The following ERC1 variants were observed in gnomAD, a reference collection of about 807,000 sequenced individuals.
ERC1 encodes the protein ELKS/RAB6-interacting/CAST family member 1.
A neutral mutation model predicts 132.0 loss-of-function variants in ERC1; 56 were observed. That is an observed-to-expected ratio of 0.42 (90% CI 0.34 to 0.53). The LOEUF is 0.53. Among genes scored for constraint, ERC1 ranks in the 20% least tolerant of loss-of-function variants. ERC1 has a pLI of 0.03. For synonymous variants in ERC1, 478 were observed against 476.1 expected, an observed-to-expected ratio of 1.00 and a Z score of -0.05; for missense variants, 1,202 against 1,349.9, an observed-to-expected ratio of 0.89 and a Z score of 1.72.
At chr12:1,193,493 AAC>A (rs1334716505) in intron 12 of ERC1, among the ~76,000 whole-genome samples, 3 of 151,838 alleles carry the variant, frequency 2.0e-5, no homozygotes, top group South Asian at 2.1e-4. Context: ...CACATATATA[AAC>A]ACACACAAGC....
intron 12 of ERC1, among the ~76,000 whole-genome samples, chr12:1,220,521 A>G (rs1044935580): frequency 1.3e-5 from 2 of 152,138 alleles, no homozygotes; most frequent in Non-Finnish European, 2.9e-5. Context: ...GGTTACTGTT[A>G]TTTTTATTTG....
Position 1,177,038 on chromosome 12 carries a change from T to C in ERC1, c.1738-3502T>C, listed in dbSNP as rs968450006. Among the ~76,000 whole-genome samples the C allele has an allele frequency of 1.3e-5, 2 of 152,242 alleles. 1 individual carries two copies. The highest frequency in any genetic ancestry group is 4.1e-4 in the South Asian group (2 of 4,828). On this transcript the variant is annotated intron_variant, in intron 8 of 18. Transcript: ENST00000360905. ...ATATTATGGAGACGGCTTCTTTCCT[T>C]AAACCTCATGACCAACCTCTGCTAG...
intron 14 of ERC1, among the ~76,000 whole-genome samples, chr12:1,286,152 G>A (rs1000193557): frequency 6.6e-6 from 1 of 152,062 alleles, no homozygotes; most frequent in Non-Finnish European, 1.5e-5. Context: ...AAATTAACCA[G>A]ACGTGGTGGT....
intron 1 of ERC1, among the ~76,000 whole-genome samples, chr12:996,733 G>A (rs1020229995): frequency 4.6e-5 from 7 of 152,106 alleles, no homozygotes; most frequent in Non-Finnish European, 8.8e-5. Context: ...TAAATTAGAA[G>A]GTATAAGAGA....
chr12:1,027,079 GT>G (rs1032096281), intron 1 of ERC1, among the ~76,000 whole-genome samples: 2 of 152,056 alleles, frequency 1.3e-5, no homozygotes, highest in African/African-American at 4.8e-5. Flanking sequence ...AAATGTTATA[GT>G]TTTTTTCCCC....
At chr12:1,146,316 T>TTTGTTGTTG (rs1446700359) in intron 8 of ERC1, among the ~76,000 whole-genome samples, 9 of 132,716 alleles carry the variant, frequency 6.8e-5, no homozygotes, top group African/African-American at 2.8e-4. Flanking sequence ...TGGTTTTTTT[T>TTTGTTGTTG]TTTTTTTTTT....
chr12:1,390,667 A>G (rs1169351103), intron 16 of ERC1: 2 of 152,210 alleles, frequency 1.3e-5, no homozygotes, highest in African/African-American at 4.8e-5. Flanking sequence ...TCACCACCAA[A>G]ATAAAACTGT....
intron 14 of ERC1, among the ~76,000 whole-genome samples, chr12:1,271,523 T>G (rs898847582): frequency 6.6e-6 from 1 of 152,198 alleles, no homozygotes; most frequent in Non-Finnish European, 1.5e-5. Context: ...AGCTACATTA[T>G]CGTCAGTTTT....
At chr12:1,096,606 C>T (rs778126135) in intron 3 of ERC1, among the ~76,000 whole-genome samples, 2 of 152,052 alleles carry the variant, frequency 1.3e-5, no homozygotes, top group Non-Finnish European at 2.9e-5. Context: ...ACGAGTTTGT[C>T]GTTTTAAGGC....
At chr12:1,091,555 C>T (rs562605013) in intron 3 of ERC1, among the ~76,000 whole-genome samples, 164 of 152,232 alleles carry the variant, frequency 1.1e-3, no homozygotes, top group Non-Finnish European at 1.9e-3. Flanking sequence ...TCACTTATCA[C>T]GTATTTACTG....
rs375837718 is a variant in ERC1 at position 1,158,050 on chromosome 12, A to G, written c.1737+16263A>G. Among the ~76,000 whole-genome samples the G allele has an allele frequency of 2.3e-4, 35 of 152,348 alleles. No individual in the cohort carries two copies. The East Asian group carries it at 5.4e-3, about 23-fold the overall frequency. On this transcript the variant is annotated intron_variant, in intron 8 of 18. Transcript: ENST00000360905. ...ATCCGTCACTTTATCTAATTTTGCT[A>G]TATGTCCAGTAGAGTGGGCAGAGTT...
chr12:1,405,628 A>T (rs748912141), intron 16 of ERC1, among the ~76,000 whole-genome samples: 14 of 152,174 alleles, frequency 9.2e-5, no homozygotes, highest in Admixed American at 2.0e-4. Context: ...ACTTGAACCC[A>T]GGAGGCAGAG....
At chr12:1,343,134 C>G (rs1295051897) in intron 15 of ERC1, among the ~76,000 whole-genome samples, 1 of 152,174 alleles carries the variant, frequency 6.6e-6, no homozygotes, top group Non-Finnish European at 1.5e-5. Context: ...AGCACCTGGA[C>G]TTAAAGCAGG....
At chr12:990,275 C>T (rs895175946), upstream of ERC1, 15 of 152,050 alleles carry the variant, frequency 9.9e-5, no homozygotes. Flanking sequence ...ATATAATTCA[C>T]ACCATTCTTA....
intron 17 of ERC1, among the ~76,000 whole-genome samples, chr12:1,435,003 G>A (rs1592036842): frequency 6.6e-6 from 1 of 152,176 alleles, no homozygotes; most frequent in Non-Finnish European, 1.5e-5. Context: ...AATAAAGGAA[G>A]TTGGTAGAGA....
In ERC1 at chr12:1,083,495, G is replaced by T. The variant is rs183282453; in HGVS notation, c.1001G>T (p.Arg334Ile). ...ACCGAGGAAGACCATGAGAGAACAAGACGACTGGCAGAGGCAGAGATGCAC... is the reference window on the plus strand; with the variant it reads ...ACCGAGGAAGACCATGAGAGAACAATACGACTGGCAGAGGCAGAGATGCAC... ...KATEEDHERT[R>I]RLAEAEMHVH... Residue 334 changes from arginine (R) to isoleucine (I), a missense_variant, in exon 3 of 19, where the codon AGA becomes ATA. Transcript: ENST00000360905. The T allele has an allele frequency of 6.2e-7, 1 of 1,614,194 alleles. No homozygotes were observed. Among genetic ancestry groups the T allele is most frequent in the East Asian group, 2.2e-5 (1 of 44,892 alleles).
intron 3 of ERC1, among the ~76,000 whole-genome samples, chr12:1,092,749 C>T (rs1943414017): frequency 6.6e-6 from 1 of 152,134 alleles, no homozygotes; most frequent in Admixed American, 6.5e-5. Flanking sequence ...TCGCCTGAGG[C>T]CAGGAGTTCG....
chr12:1,350,364 TAAGTC>T (rs2084890435), intron 15 of ERC1, among the ~76,000 whole-genome samples: 1 of 152,210 alleles, frequency 6.6e-6, no homozygotes. Context: ...GCCTGCTTCT[TAAGTC>T]AGGAAATTGT....
At chr12:1,139,115 T>G (rs1321446188) in intron 7 of ERC1, among the ~76,000 whole-genome samples, 1 of 152,210 alleles carries the variant, frequency 6.6e-6, no homozygotes, top group Admixed American at 6.5e-5. Flanking sequence ...CTGTTACCTG[T>G]GGTCACCTGT....
Sources: gnomAD v4.1 joint callset for allele counts (sites outside exome capture counted in the v4.1 genomes callset) on GRCh38, gnomAD v4.1.1 for gene constraint, MANE v1.5 for transcripts, NCBI Gene and HGNC (gene_info 2026-07-23, HGNC 2026-07-21) for gene names.